ZNF280B: variants seen among roughly 807,000 people sequenced by gnomAD.
ZNF280B encodes the protein zinc finger protein 280B.
ZNF280B carries 16 observed loss-of-function variants against 38.0 expected under a neutral mutation model. The ratio of observed to expected loss-of-function variants is 0.42; its 90% CI spans 0.28 to 0.64. ZNF280B has a LOEUF of 0.64. ZNF280B is among the 30% of genes least tolerant of loss of function. The pLI is 0.21. For missense variants in ZNF280B, 581 were observed against 639.6 expected (o/e 0.91, Z 0.99); for synonymous variants, 253 against 230.6 (o/e 1.10, Z -0.88).
intron 2 of ZNF280B, among the ~76,000 whole-genome samples, chr22:22,506,255 C>T (rs981120371): frequency 5.3e-5 from 8 of 151,652 alleles, no homozygotes; most frequent in African/African-American, 1.9e-4. Context: ...GAGATCTAAG[C>T]TCTGGAGCAT....
intron 2 of ZNF280B, among the ~76,000 whole-genome samples, chr22:22,498,611 T>C (rs182205314): frequency 6.6e-5 from 10 of 151,902 alleles, no homozygotes; most frequent in East Asian, 5.9e-4. Flanking sequence ...CAAAATCAGA[T>C]AGCTATGCTA....
At chr22:22,502,268 C>G (rs1349216099) in intron 2 of ZNF280B, among the ~76,000 whole-genome samples, 1 of 152,006 alleles carries the variant, frequency 6.6e-6, no homozygotes, top group African/African-American at 2.4e-5. Flanking sequence ...TACTTCACAT[C>G]CACTAGGTTA....
intron 2 of ZNF280B, among the ~76,000 whole-genome samples, chr22:22,496,715 T>C (rs1160790628): frequency 6.6e-6 from 1 of 151,480 alleles, no homozygotes; most frequent in Non-Finnish European, 1.5e-5. Context: ...ATAGGTACCA[T>C]AGGAGTCCTG....
At chr22:22,493,990 G>A (rs2061647702) in intron 3 of ZNF280B, 73 bp downstream of exon 3, 1 of 151,210 alleles carries the variant, frequency 6.6e-6, no homozygotes, top group Non-Finnish European at 1.5e-5. Flanking sequence ...GTAATAATCA[G>A]GTTAAGATGT....
chr22:22,506,851 T>C (rs556338427), intron 2 of ZNF280B, among the ~76,000 whole-genome samples: 2 of 152,002 alleles, frequency 1.3e-5, no homozygotes, highest in South Asian at 4.2e-4. Flanking sequence ...AAATGGTGGA[T>C]AAATGGTTGC....
chr22:22,489,339 G>C lies in ZNF280B; in HGVS notation c.60C>G (p.Thr20=), dbSNP rs1473494126. 10 of 1,613,326 alleles carry C rather than the reference G, an allele frequency of 6.2e-6. No homozygotes were observed. Among genetic ancestry groups the C allele is most frequent in the Non-Finnish European group, 7.6e-6 (9 of 1,179,880 alleles). ...EPEPQKNIQE[T]KQVDDEDAEL... ...CAGCATCTTCGTCATCTACTTGTTTGGTTTCTTGTATGTTCTTCTGTGGTT... is the reference window on the plus strand; with the variant it reads ...CAGCATCTTCGTCATCTACTTGTTTCGTTTCTTGTATGTTCTTCTGTGGTT... The change falls in exon 4 of 4, where the codon ACC becomes ACG. Residue 20 remains threonine (T), a synonymous_variant. Coordinates refer to ENST00000626650, the MANE Select transcript of ZNF280B (RefSeq NM_080764.4).
chr22:22,507,490 A>C (rs1252642946), intron 2 of ZNF280B, among the ~76,000 whole-genome samples: 1 of 151,816 alleles, frequency 6.6e-6, no homozygotes, highest in East Asian at 2.0e-4. Flanking sequence ...CATGAAATAC[A>C]GTCGCTGAGA....
In ZNF280B at chr22:22,488,603, T is replaced by G. The variant is rs2146753901; in HGVS notation, c.796A>C (p.Ser266Arg). Residue 266 changes from serine (S) to arginine (R), a missense_variant, in exon 4 of 4, where the codon AGT (serine) becomes CGT (arginine). By Grantham distance (110) the Ser-to-Arg change is moderately radical. Coordinates refer to ENST00000626650, the MANE Select transcript of ZNF280B (RefSeq NM_080764.4). ...ANELAKTDILSLTSQNKTFDP... is the reference protein window; with the variant it reads ...ANELAKTDILRLTSQNKTFDP... The stretch of plus-strand genomic sequence containing the variant: ...AAGGTCTTGTTTTGACTTGTTAGAC[T>G]CAAAATGTCTGTTTTTGCCAATTCA... The G allele has an allele frequency of 1.2e-6, 2 of 1,613,932 alleles. No individual in the cohort carries two copies. Among genetic ancestry groups the G allele is most frequent in the East Asian group, 2.2e-5 (1 of 44,808 alleles).
chr22:22,495,705 TCA>T (rs2061679859), intron 2 of ZNF280B, among the ~76,000 whole-genome samples: 1 of 151,972 alleles, frequency 6.6e-6, no homozygotes. Context: ...CATTTTTCTC[TCA>T]GTTTAGTCTG....
intron 1 of ZNF280B, among the ~76,000 whole-genome samples, chr22:22,508,266 G>A (rs748327841): frequency 1.2e-4 from 18 of 152,046 alleles, no homozygotes; most frequent in Non-Finnish European, 1.9e-4. Flanking sequence ...GGGAGGGCCT[G>A]GGGTTACAAA....
chr22:22,504,151 A>G lies in ZNF280B; in HGVS notation c.-187+3659T>C, dbSNP rs1048482762. ...GAATAAGATTAAAATAACTTGTGCCAGGCCGGGCATGGTGGCTCACGCCTG... is the reference window on the plus strand; with the variant it reads ...GAATAAGATTAAAATAACTTGTGCCGGGCCGGGCATGGTGGCTCACGCCTG... On this transcript the variant is annotated intron_variant, in intron 2 of 3. Coordinates refer to ENST00000626650, the MANE Select transcript of ZNF280B (RefSeq NM_080764.4). 3.5e-4 allele frequency among the ~76,000 whole-genome samples: 53 copies of G among 152,012 alleles called. 1 individual carries two copies. The highest frequency in any genetic ancestry group is 1.5e-5 in the Non-Finnish European group (1 of 68,024).
rs2061545190 is a variant in ZNF280B at position 22,489,153 on chromosome 22, A to G, written c.246T>C (p.Thr82=). Residue 82 remains threonine, a synonymous_variant, in exon 4 of 4, where the codon ACT becomes ACC. Transcript: ENST00000626650. The part of the protein sequence containing the change: ...RKKYDHLRKD[T]ARKLQPKSHE... ...GACTTTTAGGCTGCAATTTGCGAGC[A>G]GTATCTTTTCTAAGGTGATCATACT... 6.2e-7 allele frequency: 1 copy of G among 1,613,702 alleles called. No homozygotes were observed. The highest frequency in any genetic ancestry group is 8.5e-7 in the Non-Finnish European group (1 of 1,179,962).
rs2061496383 is a variant in ZNF280B, at chr22:22,486,016, A to G, written c.*1751T>C. On this transcript the variant is annotated 3_prime_UTR_variant, in exon 4 of 4. Coordinates refer to ENST00000626650, the MANE Select transcript of ZNF280B (RefSeq NM_080764.4). ...AGGGAAAAAGATTCACCCATAGTAC[A>G]GATTAGATAGGATAGATCAGATGAA... 1 of 152,010 alleles carries G rather than the reference A, an allele frequency of 6.6e-6. No homozygotes were observed. The highest frequency in any genetic ancestry group is 1.5e-5 in the Non-Finnish European group (1 of 68,038). 9.4% of individuals were successfully genotyped at this position (152,010 alleles called of 1,614,324 possible).
At chr22:22,490,675 C>T (rs1293477394) in intron 3 of ZNF280B, among the ~76,000 whole-genome samples, 4 of 151,828 alleles carry the variant, frequency 2.6e-5, no homozygotes, top group Non-Finnish European at 2.9e-5. Flanking sequence ...ACCATGTTGA[C>T]CAGGCTGGTC....
At chr22:22,505,529 G>T (rs967667517) in intron 2 of ZNF280B, among the ~76,000 whole-genome samples, 6 of 151,654 alleles carry the variant, frequency 4.0e-5, no homozygotes, top group African/African-American at 1.2e-4. Context: ...TCATGCCACT[G>T]CACTCCAGCC....
rs1326482128 is a variant in ZNF280B at position 22,490,067 on chromosome 22, AGAG to A, written c.-68-604_-68-602del. On this transcript the variant is annotated intron_variant, in intron 3 of 3. Coordinates refer to ENST00000626650, the MANE Select transcript of ZNF280B (RefSeq NM_080764.4). ...AAAGAGGTATTAAATTTATAGAGTTAGAGTACCTACACATAACCAACAAACAGC... is the reference window on the plus strand; with the variant it reads ...AAAGAGGTATTAAATTTATAGAGTTATACCTACACATAACCAACAAACAGC... 3.2e-4 allele frequency among the ~76,000 whole-genome samples: 49 copies of A among 152,100 alleles called. 1 individual carries two copies. In the South Asian group the frequency reaches 0.01, roughly 32 times the overall value.
At chr22:22,500,365 TTA>T (rs58002237) in intron 2 of ZNF280B, among the ~76,000 whole-genome samples, 22,385 of 149,558 alleles carry the variant, frequency 0.15, 1,930 homozygotes, top group South Asian at 0.3. Flanking sequence ...AAACAAAATA[TTA>T]TATATATATA....
intron 3 of ZNF280B, 139 bp from the exon 4 acceptor site, chr22:22,489,605 C>T (rs1451698756): frequency 5.8e-6 from 3 of 513,260 alleles, no homozygotes; most frequent in Non-Finnish European, 1.0e-5. Flanking sequence ...AGCTTAAAAC[C>T]TGTGATAAAA....
rs34998021 is a variant in ZNF280B, at chr22:22,495,569, G to C, written c.-186-1389C>G. Among the ~76,000 whole-genome samples, 3 of 152,074 alleles carry C rather than the reference G, an allele frequency of 2.0e-5. 1 individual carries two copies. Among genetic ancestry groups the C allele is most frequent in the Admixed American group, 6.5e-5 (1 of 15,268 alleles). ...GAAGTTGAGGAGGTATAAGAGAATT[G>C]TAATTTTACGTAGTGTAGTCAGAGT... is the stretch of plus-strand genomic sequence containing the variant. On this transcript the variant is annotated intron_variant, in intron 2 of 3. Coordinates refer to ENST00000626650, the MANE Select transcript of ZNF280B (RefSeq NM_080764.4).
Sources: gnomAD v4.1 joint callset for allele counts (sites outside exome capture counted in the v4.1 genomes callset) on GRCh38, gnomAD v4.1.1 for gene constraint, MANE v1.5 for transcripts, NCBI Gene and HGNC (gene_info 2026-07-23, HGNC 2026-07-21) for gene names.